The following ROBO2 variants were observed in gnomAD, a reference collection of about 807,000 sequenced individuals.
ROBO2 encodes roundabout homolog 2.
A neutral mutation model predicts 160.8 loss-of-function variants in ROBO2; 53 were observed. The ratio of observed to expected loss-of-function variants is 0.33; its 90% CI spans 0.26 to 0.41. The LOEUF (loss-of-function observed/expected upper bound fraction) is 0.41, where lower values mean the gene tolerates loss of function less well. Ranked by LOEUF, ROBO2 falls within the 10% of genes least tolerant of loss-of-function variation. The probability of loss-of-function intolerance (pLI) is 1.00; values close to 1 mark genes in which losing one functional copy is unlikely to be tolerated. For synonymous variants in ROBO2, 664 were observed against 611.7 expected (o/e 1.09, Z -1.26); for missense variants, 1,577 against 1,722.4 (o/e 0.92, Z 1.49).
chr3:76,150,676 G>A, intron 2 of ROBO2, among the ~76,000 whole-genome samples: 1 of 152,060 alleles, frequency 6.6e-6, no homozygotes, highest in East Asian at 1.9e-4. Context: ...CATCATCAGG[G>A]AGACCTTCCC....
At chr3:76,324,743 T>TG (rs1169333947) in intron 2 of ROBO2, among the ~76,000 whole-genome samples, 2 of 152,124 alleles carry the variant, frequency 1.3e-5, no homozygotes, top group Non-Finnish European at 2.9e-5. Context: ...AAAACTTCTC[T>TG]GGAAAAAAAA....
At chr3:77,504,467 T>C (rs1199089566) in intron 5 of ROBO2, among the ~76,000 whole-genome samples, 1 of 151,406 alleles carries the variant, frequency 6.6e-6, no homozygotes, top group African/African-American at 2.4e-5. Context: ...ACCCACTAAC[T>C]GACATTTTCT....
chr3:76,754,340 C>T lies in ROBO2; in HGVS notation c.110-343674C>T, dbSNP rs144394934. Among the ~76,000 whole-genome samples, 88 of 151,976 alleles carry T rather than the reference C, an allele frequency of 5.8e-4. 5 individuals carry two copies. In the South Asian group the frequency reaches 0.018, roughly 31 times the overall value. ...AATATTCTGTATATTAGTATCTGGA[C>T]AGAAGCCTCGTTATCTGTCAAAGGT... On this transcript the variant is annotated intron_variant, in intron 2 of 26. Coordinates refer to the ROBO2 transcript ENST00000487694.
intron 2 of ROBO2, among the ~76,000 whole-genome samples, chr3:77,329,216 A>C (rs1388257863): frequency 2.6e-5 from 4 of 152,264 alleles, no homozygotes; most frequent in Non-Finnish European, 5.9e-5. Flanking sequence ...GTAGTAACAC[A>C]GCTTTTAAGA....
chr3:76,077,867 C>T (rs866999557), intron 2 of ROBO2, among the ~76,000 whole-genome samples: 1 of 147,580 alleles, frequency 6.8e-6, no homozygotes, highest in Non-Finnish European at 1.5e-5. Context: ...GGAGACTGTT[C>T]AAATTCTAAG....
At chr3:76,945,811 TC>T (rs1435434676) in intron 2 of ROBO2, among the ~76,000 whole-genome samples, 2 of 152,218 alleles carry the variant, frequency 1.3e-5, no homozygotes, top group Non-Finnish European at 2.9e-5. Context: ...ATATTTAGCA[TC>T]TCCTATCTTT....
chr3:77,174,705 T>C (rs544338438), intron 2 of ROBO2, among the ~76,000 whole-genome samples: 2 of 152,204 alleles, frequency 1.3e-5, no homozygotes, highest in East Asian at 3.9e-4. Context: ...GATTTTCATT[T>C]ACTCCAGTCG....
chr3:77,197,690 C>G (rs538039277), intron 2 of ROBO2, among the ~76,000 whole-genome samples: 17 of 152,304 alleles, frequency 1.1e-4, no homozygotes, highest in Non-Finnish European at 2.4e-4. Flanking sequence ...ATAAAGGTCT[C>G]TAAAGATATC....
At chr3:76,556,971 A>G (rs1395576074) in intron 2 of ROBO2, among the ~76,000 whole-genome samples, 1 of 152,100 alleles carries the variant, frequency 6.6e-6, no homozygotes, top group Non-Finnish European at 1.5e-5. Flanking sequence ...AATTTATCAT[A>G]TTTAGACTAC....
intron 2 of ROBO2, among the ~76,000 whole-genome samples, chr3:76,964,139 G>A (rs1577890318): frequency 6.6e-6 from 1 of 151,252 alleles, no homozygotes; most frequent in Admixed American, 6.6e-5. Context: ...ATTTTGGACG[G>A]TTCTGAATAT....
intron 2 of ROBO2, among the ~76,000 whole-genome samples, chr3:76,367,803 G>A (rs182783961): frequency 9.2e-5 from 14 of 151,910 alleles, no homozygotes; most frequent in South Asian, 4.1e-4. Flanking sequence ...ACCAGGTTTC[G>A]TGATAATTTT....
At chr3:76,562,960 T>G (rs2084293307) in intron 2 of ROBO2, among the ~76,000 whole-genome samples, 1 of 152,080 alleles carries the variant, frequency 6.6e-6, no homozygotes, top group Admixed American at 6.6e-5. Flanking sequence ...TCCTTCCTTC[T>G]TTCTTCTCCC....
At chr3:76,044,677 G>A (rs1448491277) in intron 2 of ROBO2, among the ~76,000 whole-genome samples, 2 of 151,982 alleles carry the variant, frequency 1.3e-5, no homozygotes, top group Non-Finnish European at 2.9e-5. Flanking sequence ...GGAGCTTAAA[G>A]CATATTGAAG....
intron 2 of ROBO2, among the ~76,000 whole-genome samples, chr3:77,274,784 T>C (rs1044702236): frequency 6.6e-6 from 1 of 152,084 alleles, no homozygotes; most frequent in South Asian, 2.1e-4. Flanking sequence ...CACTGGATAG[T>C]TTTCAAGCAT....
intron 2 of ROBO2, among the ~76,000 whole-genome samples, chr3:76,382,832 A>G (rs2076704278): frequency 6.6e-6 from 1 of 152,316 alleles, no homozygotes; most frequent in East Asian, 1.9e-4. Context: ...AAAAAGGCCA[A>G]AGCATCTAAT....
At chr3:77,408,566 T>C (rs1200774883) in intron 2 of ROBO2, among the ~76,000 whole-genome samples, 1 of 151,888 alleles carries the variant, frequency 6.6e-6, no homozygotes, top group African/African-American at 2.4e-5. Context: ...TAAAATCTCT[T>C]TTGTTGTTTT....
intron 2 of ROBO2, among the ~76,000 whole-genome samples, chr3:76,782,334 C>G (rs2062700307): frequency 6.6e-6 from 1 of 150,686 alleles, no homozygotes; most frequent in Admixed American, 6.6e-5. Context: ...TCTGTGTGAA[C>G]ATTCCATGTG....
exon 7 of ROBO2, chr3:77,546,359 G>C (rs760139372): frequency 8.7e-6 from 14 of 1,612,780 alleles, no homozygotes; most frequent in Non-Finnish European, 1.2e-5. Flanking sequence ...TTTGTGGTTC[G>C]GCCAAGAGAT....
At chr3:77,252,822 AAAAAAAAAAAT>A (rs1473003102) in intron 2 of ROBO2, among the ~76,000 whole-genome samples, 1 of 91,822 alleles carries the variant, frequency 1.1e-5, no homozygotes, top group Non-Finnish European at 2.3e-5. Context: ...AAAAAAAAAA[AAAAAAAAAAAT>A]ATATATATAT....
Sources: gnomAD v4.1 joint callset for allele counts (sites outside exome capture counted in the v4.1 genomes callset) on GRCh38, gnomAD v4.1.1 for gene constraint, MANE v1.5 for transcripts, NCBI Gene and HGNC (gene_info 2026-07-23, HGNC 2026-07-21) for gene names.